The following RPS2 variants were observed in gnomAD, a reference collection of about 807,000 sequenced individuals.
RPS2 encodes small ribosomal subunit protein uS5.
RPS2 carries 8 observed loss-of-function variants against 25.3 expected under a neutral mutation model. The observed-to-expected ratio is 0.32, with a 90% confidence interval of 0.19 to 0.57. The LOEUF (loss-of-function observed/expected upper bound fraction) is 0.57, where lower values mean the gene tolerates loss of function less well. Among genes scored for constraint, RPS2 ranks in the 20% least tolerant of loss-of-function variants. RPS2 has a pLI of 0.90. For synonymous variants in RPS2, 181 were observed against 161.3 expected (o/e 1.12, Z -0.92); for missense variants, 229 against 408.1 (o/e 0.56, Z 3.78).
At chr16:1,964,704 G>A (rs1286034648) in intron 1 of RPS2, 76 bp from the exon 2 acceptor site, 4 of 839,764 alleles carry the variant, frequency 4.8e-6, no homozygotes, top group Non-Finnish European at 3.6e-6. Flanking sequence ...CCAGACAAGG[G>A]CTCCCGCCCA....
Position 1,964,823 on chromosome 16 carries a change from G to T in RPS2, c.-20C>A. On this transcript the variant is annotated 5_prime_UTR_variant, in exon 1 of 7. Transcript: ENST00000343262. ...AGGACTCACGTGTTTTGTCGGAAAAGAAGAACGAGACCTACTGGGAAGCAG... is the reference window on the plus strand; with the variant it reads ...AGGACTCACGTGTTTTGTCGGAAAATAAGAACGAGACCTACTGGGAAGCAG... 1.9e-6 allele frequency: 1 copy of T among 537,506 alleles called. No individual in the cohort carries two copies. Among genetic ancestry groups the T allele is most frequent in the Non-Finnish European group, 3.2e-6 (1 of 309,328 alleles). 33.3% of individuals were successfully genotyped at this position (537,506 alleles called of 1,614,324 possible).
At chr16:1,963,071 G>A (rs1284334540) in intron 4 of RPS2, 78 bp downstream of exon 4, 1 of 1,384,388 alleles carries the variant, frequency 7.2e-7, no homozygotes, top group South Asian at 1.2e-5. Context: ...AGTCACACGG[G>A]TGAAGCCAAG....
In RPS2 at chr16:1,962,675, A is replaced by AG; in HGVS notation, c.550-20dup. 6.3e-7 allele frequency: 1 copy of AG among 1,588,724 alleles called. No individual in the cohort carries two copies. ...CTGTCACCTGGTGAGGGAAGGAGTCAGGAGACGGGGGCCCGAGGGAGCCTG... is the reference window on the plus strand; with the variant it reads ...CTGTCACCTGGTGAGGGAAGGAGTCAGGGAGACGGGGGCCCGAGGGAGCCTG... On this transcript the variant is annotated intron_variant, in intron 5 of 6. Transcript: ENST00000343262.
chr16:1,964,157 C>A (rs1161217846), intron 3 of RPS2, 119 bp downstream of exon 3: 1 of 769,122 alleles, frequency 1.3e-6, no homozygotes, highest in South Asian at 1.6e-5. Context: ...ACAACCTCAA[C>A]CTCTCACGCG....
In RPS2 at chr16:1,964,805, A is replaced by G. The variant is rs1202750464; in HGVS notation, c.-4+2T>C. 3.5e-5 allele frequency: 19 copies of G among 540,382 alleles called. No homozygotes were observed. The highest frequency in any genetic ancestry group is 5.5e-5 in the Non-Finnish European group (17 of 311,216). 33.5% of individuals were successfully genotyped at this position (540,382 alleles called of 1,614,324 possible). ...CCCGCTGCAGCGACCAACAGGACTC[A>G]CGTGTTTTGTCGGAAAAGAAGAACG... On this transcript the variant is annotated splice_donor_variant, in intron 1 of 6. Coordinates refer to ENST00000343262, the MANE Select transcript of RPS2 (RefSeq NM_002952.4). LOFTEE classifies it low-confidence loss of function (5UTR_SPLICE).
Position 1,964,345 on chromosome 16 carries a change from C to T in RPS2, c.198G>A (p.Leu66=). 2 of 1,613,470 alleles carry T rather than the reference C, an allele frequency of 1.2e-6. No homozygotes were observed. Among genetic ancestry groups the T allele is most frequent in the Non-Finnish European group, 1.7e-6 (2 of 1,179,986 alleles). The change falls in exon 3 of 7, where the codon TTG becomes TTA. Residue 66 remains leucine (L), a synonymous_variant. Transcript: ENST00000343262. ...TCTTCATGTCCTTGACCAAGCGGCC[C>T]AACTTGGTGACGGGCATCCACTAAA... The part of the protein sequence containing the change: ...EDKEWMPVTK[L]GRLVKDMKIK...
chr16:1,964,720 G>T, intron 1 of RPS2, 87 bp downstream of exon 1: 2 of 720,784 alleles, frequency 2.8e-6, no homozygotes, highest in Non-Finnish European at 4.4e-6. Context: ...GCCCAGGAGC[G>T]CGGACTCGGG....
chr16:1,963,845 G>A, intron 3 of RPS2: 1 of 446,762 alleles, frequency 2.2e-6, no homozygotes, highest in Non-Finnish European at 4.4e-6. Context: ...CCTTGCTAGG[G>A]CGAACGCTCA....
chr16:1,963,116 C>T (rs199880385), intron 4 of RPS2, 33 bp downstream of exon 4: 3 of 1,538,312 alleles, frequency 2.0e-6, no homozygotes, highest in Middle Eastern at 1.7e-4. Context: ...TCCCGGCAAG[C>T]CCAGCGCAGC....
intron 1 of RPS2, 25 bp from the exon 2 acceptor site, chr16:1,964,653 T>A: frequency 1.6e-6 from 2 of 1,232,164 alleles, no homozygotes; most frequent in Non-Finnish European, 2.3e-6. Flanking sequence ...AAGAAGGAAC[T>A]AGTCAGTGTG....
chr16:1,963,488 C>T (rs115826431), intron 3 of RPS2, among the ~76,000 whole-genome samples: 5,772 of 152,056 alleles, frequency 0.038, 167 homozygotes, highest in African/African-American at 0.077. Context: ...TGGTGGAGTG[C>T]GCCTGTAACC....
At chr16:1,964,766 C>T in intron 1 of RPS2, 41 bp downstream of exon 1, 1 of 557,706 alleles carries the variant, frequency 1.8e-6, no homozygotes, top group South Asian at 2.4e-5. Flanking sequence ...GGATTCCCGC[C>T]GCCCACGCAG....
chr16:1,963,937 A>T, intron 3 of RPS2: 1 of 398,880 alleles, frequency 2.5e-6, no homozygotes, highest in Admixed American at 3.5e-5. Flanking sequence ...GGACTATGAC[A>T]GTTTGCTAAC....
chr16:1,963,700 T>C (rs1318526327), intron 3 of RPS2: 1 of 418,132 alleles, frequency 2.4e-6, no homozygotes, highest in Non-Finnish European at 4.8e-6. Flanking sequence ...TGGAAGCTTG[T>C]ATGTAAGGTT....
At chr16:1,964,680 GC>G (rs891558432) in intron 1 of RPS2, 52 bp from the exon 2 acceptor site, 7 of 1,016,554 alleles carry the variant, frequency 6.9e-6, no homozygotes, top group African/African-American at 5.1e-5. Flanking sequence ...GCATCTGGCA[GC>G]CCCCCGCGAG....
At chr16:1,963,493 G>GT (rs1293480387) in intron 3 of RPS2, among the ~76,000 whole-genome samples, 1 of 152,216 alleles carries the variant, frequency 6.6e-6, no homozygotes, top group East Asian at 1.9e-4. Flanking sequence ...GAGTGCGCCT[G>GT]TAACCCCAGC....
chr16:1,964,442 T>C lies in RPS2; in HGVS notation c.177+7A>G. On this transcript the variant is annotated splice_region_variant and intron_variant, in intron 2 of 6. Transcript: ENST00000343262. Reference sequence around the variant, plus strand: ...GGGGCCCGACCCCGAGCGTGGCTGATACCTACCTCCTTATCCTCGGCCTTG... The same window carrying C: ...GGGGCCCGACCCCGAGCGTGGCTGACACCTACCTCCTTATCCTCGGCCTTG... The C allele has an allele frequency of 3.7e-6, 6 of 1,610,922 alleles. No homozygotes were observed. The highest frequency in any genetic ancestry group is 5.1e-6 in the Non-Finnish European group (6 of 1,179,754).
intron 3 of RPS2, 116 bp downstream of exon 3, chr16:1,964,160 C>T: frequency 2.5e-6 from 2 of 790,788 alleles, no homozygotes; most frequent in East Asian, 2.6e-5. Flanking sequence ...ACCTCAACCT[C>T]TCACGCGAGA....
At position 1,962,118 on chromosome 16, in the gene RPS2, G is replaced by A. The variant is rs1180756035; in HGVS notation, c.862C>T (p.Pro288Ser). 3 of 1,568,486 alleles carry A rather than the reference G, an allele frequency of 1.9e-6. No individual in the cohort carries two copies. Among genetic ancestry groups the A allele is most frequent in the Non-Finnish European group, 2.6e-6 (3 of 1,166,990 alleles). Residue 288 changes from proline (P) to serine (S), a missense_variant, in exon 7 of 7, where the codon CCA (proline) becomes TCA (serine). Around this residue, in one of 7 missense-constraint regions of RPS2, gnomAD observed 32 missense variants for 29.4 expected, o/e 1.09. Coordinates refer to ENST00000343262, the MANE Select transcript of RPS2 (RefSeq NM_002952.4). ...AAACCCTATGTTGTAGCCACAGCTG[G>A]AGCCTGAGTCCGCTGCACGGAGACT... ...TRVSVQRTQA[P>S]AVATT
Sources: allele counts gnomAD v4.1 joint callset (sites outside exome capture counted in the v4.1 genomes callset), GRCh38; gene constraint gnomAD v4.1.1; regional missense constraint gnomAD v4.1.1; transcripts MANE v1.5; gene names NCBI Gene and HGNC (gene_info 2026-07-23, HGNC 2026-07-21).